The following MRPS27 variants were observed in gnomAD, a reference collection of about 807,000 sequenced individuals.
MRPS27 encodes mitochondrial ribosomal protein S27.
Under a neutral mutation model 48.9 loss-of-function variants are expected in MRPS27, and 43 were observed. That is an observed-to-expected ratio of 0.88 (90% CI 0.69 to 1.13). MRPS27 has a LOEUF of 1.13. MRPS27 is among the 50% of genes most tolerant of loss of function. The pLI, the probability that MRPS27 is intolerant of heterozygous loss-of-function variation, is 0.00. For synonymous variants in MRPS27, 188 were observed against 171.9 expected (o/e 1.09, Z -0.73); for missense variants, 467 against 476.3 (o/e 0.98, Z 0.18).
chr5:72,237,417 C>T (rs1339379350), intron 5 of MRPS27, among the ~76,000 whole-genome samples: 1 of 152,140 alleles, frequency 6.6e-6, no homozygotes, highest in East Asian at 1.9e-4. Context: ...TGCTAACTTT[C>T]AGGGTCCAGT....
intron 4 of MRPS27, among the ~76,000 whole-genome samples, chr5:72,245,518 A>T (rs1380744862): frequency 6.6e-6 from 1 of 152,210 alleles, no homozygotes; most frequent in African/African-American, 2.4e-5. Context: ...TTAAGATAGG[A>T]AAATCACATA....
intron 2 of MRPS27, among the ~76,000 whole-genome samples, chr5:72,307,176 A>C (rs752804982): frequency 2.0e-5 from 3 of 152,060 alleles, no homozygotes; most frequent in Non-Finnish European, 4.4e-5. Context: ...AAAAGGCAAG[A>C]CCCCATCTCT....
At chr5:72,243,482 C>T (rs1307753902) in intron 4 of MRPS27, among the ~76,000 whole-genome samples, 1 of 151,934 alleles carries the variant, frequency 6.6e-6, no homozygotes, top group Non-Finnish European at 1.5e-5. Flanking sequence ...TTGTCAAGTA[C>T]TTAAAAAAAG....
At chr5:72,264,532 A>G (rs751367489) in intron 4 of MRPS27, among the ~76,000 whole-genome samples, 1 of 152,228 alleles carries the variant, frequency 6.6e-6, no homozygotes, top group African/African-American at 2.4e-5. Flanking sequence ...TCTTTTGCAG[A>G]TGTAATCAAG....
intron 4 of MRPS27, among the ~76,000 whole-genome samples, chr5:72,249,752 C>A (rs550577061): frequency 1.3e-5 from 2 of 151,442 alleles, no homozygotes; most frequent in Admixed American, 6.6e-5. Context: ...GAGGCCGAGG[C>A]GGGTGGATCA....
chr5:72,236,507 G>C (rs1024006392), intron 5 of MRPS27, among the ~76,000 whole-genome samples: 6 of 152,220 alleles, frequency 3.9e-5, no homozygotes, highest in Non-Finnish European at 7.4e-5. Flanking sequence ...TGCTATCATA[G>C]GAATCTTTGA....
chr5:72,223,629 G>A, intron 10 of MRPS27, 54 bp downstream of exon 10: 22 of 1,592,700 alleles, frequency 1.4e-5, no homozygotes, highest in Non-Finnish European at 1.9e-5. Flanking sequence ...ATCACCACAG[G>A]AGAGAAGTGT....
chr5:72,239,844 T>C (rs1461264262), intron 4 of MRPS27, among the ~76,000 whole-genome samples: 6 of 152,198 alleles, frequency 3.9e-5, no homozygotes, highest in Non-Finnish European at 8.8e-5. Context: ...TATGCTCAGC[T>C]TATTTTTTGT....
chr5:72,291,452 A>G (rs912733811), intron 4 of MRPS27, among the ~76,000 whole-genome samples: 3 of 152,200 alleles, frequency 2.0e-5, no homozygotes, highest in African/African-American at 7.2e-5. Context: ...GGATATGGTA[A>G]CATATGTGCT....
intron 1 of MRPS27, among the ~76,000 whole-genome samples, chr5:72,318,404 G>A (rs1219573359): frequency 6.6e-6 from 1 of 152,158 alleles, no homozygotes; most frequent in African/African-American, 2.4e-5. Context: ...CTTCATTCTA[G>A]CATATGCTTC....
Position 72,220,883 on chromosome 5 carries a change from G to A in MRPS27, c.*26C>T. ...ACGGGGTTGAGTGAAGTTCTTGTGA[G>A]ACAGGTGGGGCCCTGGGGGACCCTA... is the stretch of plus-strand genomic sequence containing the variant. On this transcript the variant is annotated 3_prime_UTR_variant, in exon 11 of 11. Transcript: ENST00000261413. 1.2e-6 allele frequency: 2 copies of A among 1,612,884 alleles called. No individual in the cohort carries two copies. Among genetic ancestry groups the A allele is most frequent in the South Asian group, 2.2e-5 (2 of 90,854 alleles).
intron 10 of MRPS27, among the ~76,000 whole-genome samples, chr5:72,222,296 A>G (rs2111927983): frequency 6.6e-6 from 1 of 152,354 alleles, no homozygotes; most frequent in South Asian, 2.1e-4. Flanking sequence ...GAGTTGGCAA[A>G]CTTTTGTTCA....
chr5:72,295,350 C>A, intron 4 of MRPS27, 181 bp downstream of exon 4: 1 of 521,818 alleles, frequency 1.9e-6, no homozygotes, highest in Non-Finnish European at 3.4e-6. Context: ...AAATAATAAA[C>A]TCACAGTATG....
In MRPS27 at chr5:72,274,594, T is replaced by C. The variant is rs535732827; in HGVS notation, c.281+20937A>G. Among the ~76,000 whole-genome samples the C allele has an allele frequency of 3.2e-4, 48 of 152,284 alleles. No individual in the cohort carries two copies. The South Asian group carries it at 7.1e-3, about 22-fold the overall frequency. ...TTCTTTTTCATAAGTAGGAGTACACTCTAAAATAATGATAAAATGTATAAT... is the reference window on the plus strand; with the variant it reads ...TTCTTTTTCATAAGTAGGAGTACACCCTAAAATAATGATAAAATGTATAAT... On this transcript the variant is annotated intron_variant, in intron 4 of 10. Transcript: ENST00000261413.
rs147175010 is a variant in MRPS27 at position 72,238,053 on chromosome 5, A to G, written c.357T>C (p.Tyr119=). 7.0e-5 allele frequency: 113 copies of G among 1,613,588 alleles called. No individual in the cohort carries two copies. In the African/African-American group the frequency reaches 1.1e-3, roughly 16 times the overall value. Reference sequence around the variant, plus strand: ...TATATAGGGCTTTGTCTTGTGCATCATATTTTAGACACTGCCTAATCCAGG... The same window carrying G: ...TATATAGGGCTTTGTCTTGTGCATCGTATTTTAGACACTGCCTAATCCAGG... ...IHTWIRQCLK[Y]DAQDKALYTL... Residue 119 remains tyrosine, a synonymous_variant, in exon 5 of 11, where the codon TAT becomes TAC. Coordinates refer to ENST00000261413, the MANE Select transcript of MRPS27 (RefSeq NM_015084.3).
intron 4 of MRPS27, among the ~76,000 whole-genome samples, chr5:72,278,990 T>C (rs1008436593): frequency 1.1e-4 from 16 of 152,318 alleles, no homozygotes; most frequent in Non-Finnish European, 2.1e-4. Flanking sequence ...CCAGAGTTCC[T>C]TTAAGGTATA....
intron 7 of MRPS27, among the ~76,000 whole-genome samples, chr5:72,231,597 A>G (rs1748067448): frequency 1.3e-5 from 2 of 152,176 alleles, no homozygotes; most frequent in African/African-American, 2.4e-5. Context: ...CAGTATATTT[A>G]ATGAATTAAT....
At chr5:72,297,930 C>G (rs1459229968) in intron 2 of MRPS27, among the ~76,000 whole-genome samples, 1 of 152,126 alleles carries the variant, frequency 6.6e-6, no homozygotes, top group Non-Finnish European at 1.5e-5. Context: ...ATGTATTTAG[C>G]TTTTAAAAAA....
At chr5:72,307,035 C>T (rs1413456316) in intron 2 of MRPS27, among the ~76,000 whole-genome samples, 2 of 151,658 alleles carry the variant, frequency 1.3e-5, no homozygotes, top group African/African-American at 4.8e-5. Context: ...TCAACCAAAT[C>T]ATAAAAAAAA....
Sources: allele counts gnomAD v4.1 joint callset (sites outside exome capture counted in the v4.1 genomes callset), GRCh38; gene constraint gnomAD v4.1.1; transcripts MANE v1.5; gene names NCBI Gene and HGNC (gene_info 2026-07-23, HGNC 2026-07-21).